PPP3CC: variants seen among roughly 807,000 people sequenced by gnomAD.
PPP3CC encodes the protein protein phosphatase 3 catalytic subunit gamma, also known as serine/threonine-protein phosphatase 2B catalytic subunit gamma isoform.
Under a neutral mutation model 60.3 loss-of-function variants are expected in PPP3CC, and 35 were observed. The ratio of observed to expected loss-of-function variants is 0.58; its 90% confidence interval spans 0.44 to 0.77. The LOEUF is 0.77. Among genes scored for constraint, PPP3CC ranks in the 30% least tolerant of loss-of-function variants. PPP3CC has a pLI of 0.00. For synonymous variants in PPP3CC, 206 were observed against 224.3 expected (o/e 0.92, Z 0.73); for missense variants, 570 against 628.9 (o/e 0.91, Z 1.00).
chr8:22,472,902 T>G (rs1837773121), intron 1 of PPP3CC, among the ~76,000 whole-genome samples: 1 of 152,206 alleles, frequency 6.6e-6, no homozygotes, highest in African/African-American at 2.4e-5. Context: ...TGCGATGTTA[T>G]TGTGGCTATA....
chr8:22,486,020 T>G (rs1340567539), intron 3 of PPP3CC, among the ~76,000 whole-genome samples: 1 of 152,184 alleles, frequency 6.6e-6, no homozygotes, highest in Non-Finnish European at 1.5e-5. Context: ...AATTACATTT[T>G]TGGGTCAATG....
chr8:22,534,862 A>ACATAAAAG (rs1223738881), intron 12 of PPP3CC, among the ~76,000 whole-genome samples: 1 of 152,250 alleles, frequency 6.6e-6, no homozygotes, highest in African/African-American at 2.4e-5. Context: ...CAAAAGCCAG[A>ACATAAAAG]CATAAAAGAG....
chr8:22,473,533 G>T (rs1231473735), intron 1 of PPP3CC, among the ~76,000 whole-genome samples: 1 of 149,846 alleles, frequency 6.7e-6, no homozygotes, highest in Non-Finnish European at 1.5e-5. Flanking sequence ...TCACAATCTC[G>T]GCTCACTGCA....
intron 8 of PPP3CC, 28 bp from the exon 9 acceptor site, chr8:22,527,364 C>T (rs1414872941): frequency 6.2e-7 from 1 of 1,611,426 alleles, no homozygotes; most frequent in East Asian, 2.2e-5. Flanking sequence ...TCCTCTGTGC[C>T]AGATTTTCTT....
At chr8:22,461,987 T>C (rs1032501390) in intron 1 of PPP3CC, among the ~76,000 whole-genome samples, 2 of 152,144 alleles carry the variant, frequency 1.3e-5, no homozygotes, top group Admixed American at 1.3e-4. Flanking sequence ...TTAATCCCAG[T>C]GCATTGGGAG....
chr8:22,520,814 C>T (rs1194136273), intron 6 of PPP3CC, among the ~76,000 whole-genome samples: 4 of 152,010 alleles, frequency 2.6e-5, no homozygotes, highest in African/African-American at 9.7e-5. Context: ...TATTTAGGGC[C>T]AGTTACTAGA....
At chr8:22,448,202 G>A (rs1174268654) in intron 1 of PPP3CC, among the ~76,000 whole-genome samples, 2 of 151,926 alleles carry the variant, frequency 1.3e-5, no homozygotes, top group Non-Finnish European at 2.9e-5. Flanking sequence ...TGGTGAAAAC[G>A]AAACGAAACA....
chr8:22,522,265 C>G (rs1218012396), intron 6 of PPP3CC, among the ~76,000 whole-genome samples: 2 of 151,900 alleles, frequency 1.3e-5, no homozygotes, highest in Non-Finnish European at 2.9e-5. Context: ...GGAGCTCTTT[C>G]TATTGTAGGA....
chr8:22,510,233 A>G (rs1839047064), intron 4 of PPP3CC, among the ~76,000 whole-genome samples: 1 of 150,486 alleles, frequency 6.6e-6, no homozygotes, highest in South Asian at 2.1e-4. Flanking sequence ...GGCTGGTCTC[A>G]AACTCCTGGC....
chr8:22,446,811 A>C (rs1206927569), intron 1 of PPP3CC, among the ~76,000 whole-genome samples: 1 of 149,578 alleles, frequency 6.7e-6, no homozygotes, highest in Non-Finnish European at 1.5e-5. Context: ...GTCTCAAAAA[A>C]AAAAAAAAAA....
intron 3 of PPP3CC, among the ~76,000 whole-genome samples, chr8:22,490,482 T>A (rs1159510880): frequency 6.6e-6 from 1 of 152,234 alleles, no homozygotes; most frequent in African/African-American, 2.4e-5. Context: ...CTTTAAGTTC[T>A]AGTGTACATG....
At chr8:22,482,234 C>G (rs1838091008) in intron 3 of PPP3CC, among the ~76,000 whole-genome samples, 3 of 152,154 alleles carry the variant, frequency 2.0e-5, no homozygotes, top group South Asian at 4.2e-4. Context: ...TTCTAACTGG[C>G]ATGAGAGGGT....
chr8:22,456,127 A>G (rs1257523502), intron 1 of PPP3CC, among the ~76,000 whole-genome samples: 2 of 152,240 alleles, frequency 1.3e-5, no homozygotes, highest in Admixed American at 6.5e-5. Flanking sequence ...ATAGCTATTT[A>G]GGCAAATCCT....
intron 3 of PPP3CC, among the ~76,000 whole-genome samples, chr8:22,495,879 C>T (rs1306393995): frequency 6.6e-6 from 1 of 152,076 alleles, no homozygotes; most frequent in Non-Finnish European, 1.5e-5. Flanking sequence ...TTTGTGTGGT[C>T]AAATTTACCC....
chr8:22,473,419 G>C (rs918356385), intron 1 of PPP3CC, among the ~76,000 whole-genome samples: 1 of 150,978 alleles, frequency 6.6e-6, no homozygotes, highest in African/African-American at 2.4e-5. Context: ...ACTGAAGGTA[G>C]TTATTAGCAT....
Position 22,539,744 on chromosome 8 carries a change from G to A in PPP3CC, c.1351+246G>A, listed in dbSNP as rs1421358835. Among the ~76,000 whole-genome samples the A allele has an allele frequency of 2.6e-5, 4 of 152,176 alleles. No individual in the cohort carries two copies. The East Asian group carries it at 7.7e-4, about 29-fold the overall frequency. ...TGGGCTCTATCAGCTTTAATGCAAC[G>A]GCAGAAGCTTAAGCAACTGGTCATG... On this transcript the variant is annotated intron_variant, in intron 13 of 13. Transcript: ENST00000240139.
chr8:22,449,986 C>T (rs1836960403), intron 1 of PPP3CC, among the ~76,000 whole-genome samples: 1 of 151,626 alleles, frequency 6.6e-6, no homozygotes, highest in Non-Finnish European at 1.5e-5. Context: ...CCTGCCTCAG[C>T]CTCCTGAGTG....
At chr8:22,473,743 C>T (rs776052796) in intron 1 of PPP3CC, among the ~76,000 whole-genome samples, 2 of 152,056 alleles carry the variant, frequency 1.3e-5, no homozygotes, top group Non-Finnish European at 2.9e-5. Context: ...GGATTACAAG[C>T]GTGAGCCACA....
At chr8:22,539,677 A>T (rs1257164226) in intron 13 of PPP3CC, among the ~76,000 whole-genome samples, 179 bp downstream of exon 13, 2 of 152,212 alleles carry the variant, frequency 1.3e-5, no homozygotes, top group Non-Finnish European at 2.9e-5. Context: ...CTATCTTTGC[A>T]TTAATTTTAA....
Sources: allele counts gnomAD v4.1 joint callset (sites outside exome capture counted in the v4.1 genomes callset), GRCh38; gene constraint gnomAD v4.1.1; transcripts MANE v1.5; gene names NCBI Gene and HGNC (gene_info 2026-07-23, HGNC 2026-07-21).